ACBD6: variants seen among roughly 807,000 people sequenced by gnomAD.
ACBD6 encodes the protein acyl-CoA-binding domain-containing protein 6.
ACBD6 carries 28 observed loss-of-function variants against 37.2 expected under a neutral mutation model. That is an observed-to-expected ratio of 0.75 (90% CI 0.56 to 1.03). The LOEUF is 1.03. ACBD6 is among the 50% of genes least tolerant of loss of function. The probability of loss-of-function intolerance (pLI) is 0.00; values close to 1 mark genes in which losing one functional copy is unlikely to be tolerated. For missense variants in ACBD6, 340 were observed against 337.4 expected, an observed-to-expected ratio of 1.01 and a Z score of -0.06; for synonymous variants, 113 against 126.8, an observed-to-expected ratio of 0.89 and a Z score of 0.73.
rs190671218 is a variant in ACBD6 at position 180,420,766 on chromosome 1, C to T, written c.468-7295G>A. Among the ~76,000 whole-genome samples the T allele has an allele frequency of 7.9e-5, 12 of 152,286 alleles. No individual in the cohort carries two copies. In the South Asian group the frequency reaches 1.0e-3, roughly 13 times the overall value. On this transcript the variant is annotated intron_variant, in intron 4 of 7. Transcript: ENST00000367595. The stretch of plus-strand genomic sequence containing the variant: ...ATTGTACAACCAAAAGACCAGAAGA[C>T]GGTGTTTACCTTTTCCCTTCAAGGC...
chr1:180,423,929 C>G (rs952521764), intron 4 of ACBD6, among the ~76,000 whole-genome samples: 3 of 152,010 alleles, frequency 2.0e-5, no homozygotes, highest in Non-Finnish European at 4.4e-5. Flanking sequence ...ATAATCGATC[C>G]AAAGGAAATA....
intron 6 of ACBD6, among the ~76,000 whole-genome samples, chr1:180,396,779 A>T (rs997937242): frequency 6.6e-6 from 1 of 152,214 alleles, no homozygotes; most frequent in Non-Finnish European, 1.5e-5. Context: ...AGTTATTTTT[A>T]AAAAAGCAAA....
At chr1:180,457,208 C>T (rs1464251210) in intron 3 of ACBD6, among the ~76,000 whole-genome samples, 1 of 152,086 alleles carries the variant, frequency 6.6e-6, no homozygotes, top group African/African-American at 2.4e-5. Context: ...CAGAAATTTA[C>T]TCAGGCAGTA....
At chr1:180,500,028 G>C (rs772248454) in intron 1 of ACBD6, among the ~76,000 whole-genome samples, 1 of 151,556 alleles carries the variant, frequency 6.6e-6, no homozygotes, top group Non-Finnish European at 1.5e-5. Context: ...CAGGAGGATC[G>C]CTTGAAGCCA....
chr1:180,284,521 T>A (rs1361694817), downstream of ACBD6, among the ~76,000 whole-genome samples: 1 of 151,960 alleles, frequency 6.6e-6, no homozygotes, highest in Admixed American at 6.6e-5. Flanking sequence ...TGCGCCACCA[T>A]GCTCAGATAA....
chr1:180,288,352 C>G lies in ACBD6; in HGVS notation c.*11G>C. ...TATGCTATTACAGACTGCAGTTTTCCAGTCTTTTGATTAAGCCTTGCCAGT... is the reference window on the plus strand; with the variant it reads ...TATGCTATTACAGACTGCAGTTTTCGAGTCTTTTGATTAAGCCTTGCCAGT... On this transcript the variant is annotated 3_prime_UTR_variant, in exon 8 of 8. Coordinates refer to ENST00000367595, the MANE Select transcript of ACBD6 (RefSeq NM_032360.4). The G allele has an allele frequency of 6.2e-7, 1 of 1,613,480 alleles. No individual in the cohort carries two copies. Among genetic ancestry groups the G allele is most frequent in the Non-Finnish European group, 8.5e-7 (1 of 1,179,906 alleles).
At chr1:180,447,749 G>T (rs1649528065) in intron 3 of ACBD6, among the ~76,000 whole-genome samples, 1 of 151,856 alleles carries the variant, frequency 6.6e-6, no homozygotes, top group Non-Finnish European at 1.5e-5. Flanking sequence ...AAACACCAAA[G>T]GAAATCATAA....
chr1:180,276,963 AATAAT>A (rs1649074425), intron 9 of ACBD6: 1 of 152,208 alleles, frequency 6.6e-6, no homozygotes, highest in Non-Finnish European at 1.5e-5. Flanking sequence ...CATTTATACT[AATAAT>A]ATAATAAATC....
At chr1:180,390,507 A>T (rs1032642307) in intron 6 of ACBD6, among the ~76,000 whole-genome samples, 1 of 152,136 alleles carries the variant, frequency 6.6e-6, no homozygotes, top group African/African-American at 2.4e-5. Flanking sequence ...GTTCCATATG[A>T]ACTTTAAAGT....
chr1:180,437,803 G>C (rs1476448164), intron 3 of ACBD6, among the ~76,000 whole-genome samples: 1 of 152,166 alleles, frequency 6.6e-6, no homozygotes, highest in Admixed American at 6.5e-5. Context: ...GATGGTTAGG[G>C]AAAGCCTTCT....
chr1:180,497,409 TGTG>T (rs1256926491), intron 1 of ACBD6, among the ~76,000 whole-genome samples: 1 of 152,202 alleles, frequency 6.6e-6, no homozygotes, highest in African/African-American at 2.4e-5. Context: ...AGGATATACA[TGTG>T]GTGATGGTAA....
chr1:180,338,414 A>G (rs1651833613), intron 6 of ACBD6, among the ~76,000 whole-genome samples: 1 of 152,234 alleles, frequency 6.6e-6, no homozygotes, highest in East Asian at 1.9e-4. Context: ...CCTGACAAAA[A>G]CAAGCAATGG....
intron 4 of ACBD6, among the ~76,000 whole-genome samples, chr1:180,422,537 A>G (rs1648411207): frequency 6.6e-6 from 1 of 152,134 alleles, no homozygotes. Flanking sequence ...AGAAGTCCGT[A>G]ATGCTCAATT....
intron 4 of ACBD6, among the ~76,000 whole-genome samples, chr1:180,416,645 A>G (rs1648105931): frequency 6.6e-6 from 1 of 152,218 alleles, no homozygotes; most frequent in African/African-American, 2.4e-5. Flanking sequence ...TGAAATTGAC[A>G]GCAAATACAT....
chr1:180,403,033 G>T (rs955245498), intron 5 of ACBD6, among the ~76,000 whole-genome samples: 2 of 152,096 alleles, frequency 1.3e-5, no homozygotes, highest in African/African-American at 4.8e-5. Context: ...CTGAACTATA[G>T]CAATATGGAT....
At chr1:180,365,813 A>G (rs959480060) in intron 6 of ACBD6, among the ~76,000 whole-genome samples, 1 of 152,230 alleles carries the variant, frequency 6.6e-6, no homozygotes, top group Non-Finnish European at 1.5e-5. Context: ...TCCATATTCT[A>G]TAATTATTTC....
rs61508057 is a variant in ACBD6, at chr1:180,340,339, T to C, written c.664-25617A>G. On this transcript the variant is annotated intron_variant, in intron 6 of 7. Coordinates refer to ENST00000367595, the MANE Select transcript of ACBD6 (RefSeq NM_032360.4). ...AGTGATCAACTGTGCCACATGCTGC[T>C]GATAGGTCAGGTATGGTAAAGACTA... Among the ~76,000 whole-genome samples, 1,015 of 152,240 alleles carry C rather than the reference T, an allele frequency of 6.7e-3. 18 individuals are homozygous for C. Among genetic ancestry groups the C allele is most frequent in the African/African-American group, 0.023 (969 of 41,550 alleles).
intron 4 of ACBD6, among the ~76,000 whole-genome samples, chr1:180,418,403 C>T (rs904053607): frequency 6.6e-6 from 1 of 151,950 alleles, no homozygotes; most frequent in South Asian, 2.1e-4. Context: ...CACAGCAAGA[C>T]CCTACCTCTA....
intron 6 of ACBD6, among the ~76,000 whole-genome samples, chr1:180,328,082 T>C (rs1191053422): frequency 6.6e-6 from 1 of 152,174 alleles, no homozygotes; most frequent in Non-Finnish European, 1.5e-5. Flanking sequence ...GAAACTATCA[T>C]TTATTTTATC....
Sources: gnomAD v4.1 joint callset for allele counts (sites outside exome capture counted in the v4.1 genomes callset) on GRCh38, gnomAD v4.1.1 for gene constraint, MANE v1.5 for transcripts, NCBI Gene and HGNC (gene_info 2026-07-23, HGNC 2026-07-21) for gene names.